The following PRKCE variants were observed in gnomAD, a reference collection of about 807,000 sequenced individuals.
The protein encoded by PRKCE is protein kinase C epsilon type.
In PRKCE, 16 loss-of-function variants were observed where a neutral mutation model predicts 85.4. The ratio of observed to expected loss-of-function variants is 0.19; its 90% CI spans 0.13 to 0.28. PRKCE has a LOEUF of 0.28. PRKCE is among the 10% of genes least tolerant of loss of function. The pLI is 1.00. For synonymous variants in PRKCE, 388 were observed against 371.5 expected, an observed-to-expected ratio of 1.04 and a Z score of -0.51; for missense variants, 573 against 975.2, an observed-to-expected ratio of 0.59 and a Z score of 5.49.
chr2:45,768,607 C>CTCA (rs1246418507), intron 1 of PRKCE, among the ~76,000 whole-genome samples: 2 of 152,174 alleles, frequency 1.3e-5, no homozygotes, highest in African/African-American at 2.4e-5. Context: ...TCTTTTCCTT[C>CTCA]TCACCTGAGC....
At chr2:45,716,992 T>G (rs1189137445) in intron 1 of PRKCE, among the ~76,000 whole-genome samples, 1 of 152,226 alleles carries the variant, frequency 6.6e-6, no homozygotes, top group Non-Finnish European at 1.5e-5. Context: ...CATGATTCAA[T>G]TACCTCCTAC....
At chr2:45,837,801 G>A (rs780957442) in intron 1 of PRKCE, among the ~76,000 whole-genome samples, 1 of 152,170 alleles carries the variant, frequency 6.6e-6, no homozygotes, top group Non-Finnish European at 1.5e-5. Context: ...TTGGGCCCAG[G>A]AGTTTCAGGC....
At chr2:46,062,798 T>C (rs895247155) in intron 10 of PRKCE, among the ~76,000 whole-genome samples, 1 of 148,362 alleles carries the variant, frequency 6.7e-6, no homozygotes, top group Non-Finnish European at 1.5e-5. Flanking sequence ...CTCAGCCTCC[T>C]GAGTAGTTAC....
intron 1 of PRKCE, among the ~76,000 whole-genome samples, chr2:45,677,523 A>G (rs1412715968): frequency 6.6e-6 from 1 of 151,816 alleles, no homozygotes; most frequent in Admixed American, 6.6e-5. Flanking sequence ...CGCCCGGCTA[A>G]TTTTTTGTAT....
At position 46,187,475 on chromosome 2, in the gene PRKCE, G is replaced by A. The variant is rs1161590210; in HGVS notation, c.*2594G>A. ...ATCATTGTTTCATTTTCATTTTTAC[G>A]AGAGTTTGAAAATAGACACACTGTT... On this transcript the variant is annotated 3_prime_UTR_variant, in exon 15 of 15. Coordinates refer to ENST00000306156, the MANE Select transcript of PRKCE (RefSeq NM_005400.3). 2 of 152,290 alleles carry A rather than the reference G, an allele frequency of 1.3e-5. No homozygotes were observed. The highest frequency in any genetic ancestry group is 2.4e-5 in the African/African-American group (1 of 41,358). The allele number at this position is 152,290 out of a possible 1,614,324, so 9.4% of individuals were successfully genotyped here. A position where few individuals can be genotyped will look rare whatever the true frequency, so the allele number is the denominator to read the frequency against.
At chr2:46,132,706 G>A (rs1389270965) in intron 11 of PRKCE, among the ~76,000 whole-genome samples, 5 of 152,120 alleles carry the variant, frequency 3.3e-5, no homozygotes, top group Admixed American at 6.5e-5. Context: ...ATATGCACAC[G>A]TGCGCGCACA....
chr2:46,130,583 TA>T (rs1363105278), intron 11 of PRKCE, among the ~76,000 whole-genome samples: 1 of 152,256 alleles, frequency 6.6e-6, no homozygotes, highest in Non-Finnish European at 1.5e-5. Context: ...ATAGACTGCT[TA>T]AAGGATTTAT....
At chr2:46,144,376 TC>T (rs1675863227) in intron 11 of PRKCE, among the ~76,000 whole-genome samples, 1 of 152,170 alleles carries the variant, frequency 6.6e-6, no homozygotes, top group Non-Finnish European at 1.5e-5. Flanking sequence ...AAATTCTTTT[TC>T]CTAGCATTCC....
At chr2:45,715,044 T>C (rs1301494331) in intron 1 of PRKCE, among the ~76,000 whole-genome samples, 1 of 152,240 alleles carries the variant, frequency 6.6e-6, no homozygotes, top group Non-Finnish European at 1.5e-5. Context: ...AGTTGTTCCC[T>C]GGCAGAAAAT....
chr2:45,807,688 T>C (rs974503302), intron 1 of PRKCE, among the ~76,000 whole-genome samples: 84 of 152,132 alleles, frequency 5.5e-4, no homozygotes, highest in South Asian at 4.1e-4. Context: ...GCCAGAACTC[T>C]GCACCAGCAG....
intron 1 of PRKCE, among the ~76,000 whole-genome samples, chr2:45,803,895 A>G (rs1688053257): frequency 6.6e-6 from 1 of 152,192 alleles, no homozygotes; most frequent in East Asian, 1.9e-4. Context: ...AGTTGCAGAG[A>G]TTCTGTACAC....
rs1696041137 is a variant in PRKCE at position 45,895,181 on chromosome 2, G to A, written c.412+52118G>A. Among the ~76,000 whole-genome samples the A allele has an allele frequency of 6.6e-6, 1 of 152,062 alleles. No homozygotes were observed. Among genetic ancestry groups the A allele is most frequent in the African/African-American group, 2.4e-5 (1 of 41,390 alleles). On this transcript the variant is annotated intron_variant, in intron 2 of 14. Coordinates refer to ENST00000306156, the MANE Select transcript of PRKCE (RefSeq NM_005400.3). This position sits in a 1 kb window ranked among gnomAD's most constrained non-coding sequence, Gnocchi z 4.8. ...TGAGAAAGGAAGGAAGTTTTTTTCA[G>A]GCGGAGTGGGTTGGATGAGGCACAT...
chr2:45,813,684 G>T (rs1688815066), intron 1 of PRKCE, among the ~76,000 whole-genome samples: 1 of 152,178 alleles, frequency 6.6e-6, no homozygotes, highest in South Asian at 2.1e-4. Flanking sequence ...CCAGGCCCTG[G>T]AGGCCAGGCA....
intron 11 of PRKCE, among the ~76,000 whole-genome samples, chr2:46,131,357 G>C (rs916636428): frequency 1.3e-5 from 2 of 152,292 alleles, no homozygotes; most frequent in Admixed American, 6.5e-5. Context: ...TGGATCTTCT[G>C]ATACATCTCT....
intron 2 of PRKCE, among the ~76,000 whole-genome samples, chr2:45,912,011 AT>A (rs1039756884): frequency 6.6e-6 from 1 of 151,612 alleles, no homozygotes; most frequent in African/African-American, 2.4e-5. Context: ...AAAAGTTTTC[AT>A]TTTTTTCTAG....
chr2:46,075,354 GAAAT>G (rs1222401457), intron 10 of PRKCE, among the ~76,000 whole-genome samples: 2 of 151,656 alleles, frequency 1.3e-5, no homozygotes, highest in African/African-American at 4.8e-5. Flanking sequence ...AATCTTATAA[GAAAT>G]ATTTCATAGG....
rs374022643 is a variant in PRKCE at position 46,121,682 on chromosome 2, C to T, written c.1593-23411C>T. Reference sequence around the variant, plus strand: ...CCAAATTCAATGCAAAGATCATAAACGCTAGGCTTTCAGCACGTGTCAGTG... The same window carrying T: ...CCAAATTCAATGCAAAGATCATAAATGCTAGGCTTTCAGCACGTGTCAGTG... On this transcript the variant is annotated intron_variant, in intron 11 of 14. Coordinates refer to ENST00000306156, the MANE Select transcript of PRKCE (RefSeq NM_005400.3). Among the ~76,000 whole-genome samples the T allele has an allele frequency of 5.3e-5, 8 of 152,302 alleles. No homozygotes were observed. In the South Asian group the frequency reaches 8.3e-4, roughly 16 times the overall value.
chr2:45,992,430 G>T (rs1469939926), intron 6 of PRKCE, among the ~76,000 whole-genome samples: 2 of 152,278 alleles, frequency 1.3e-5, no homozygotes, highest in Admixed American at 6.5e-5. Context: ...CCCCAGGGGG[G>T]CATCCCTCTT....
chr2:45,875,374 A>C (rs1432255530), intron 2 of PRKCE, among the ~76,000 whole-genome samples: 2 of 152,258 alleles, frequency 1.3e-5, no homozygotes, highest in East Asian at 3.8e-4. Flanking sequence ...TGCAATGTCC[A>C]CAACCATACT....
Sources: allele counts gnomAD v4.1 joint callset (sites outside exome capture counted in the v4.1 genomes callset), GRCh38; gene constraint gnomAD v4.1.1; non-coding constraint Gnocchi (gnomAD v3.1); transcripts MANE v1.5; gene names NCBI Gene and HGNC (gene_info 2026-07-23, HGNC 2026-07-21).